The following CNTN3 variants were observed in gnomAD, a reference collection of about 807,000 sequenced individuals.
The protein encoded by CNTN3 is contactin 3.
CNTN3 carries 60 observed loss-of-function variants against 119.1 expected under a neutral mutation model. The observed-to-expected ratio is 0.50, with a 90% CI of 0.41 to 0.62. CNTN3 has a LOEUF of 0.62. Among genes scored for constraint, CNTN3 ranks in the 20% least tolerant of loss-of-function variants. CNTN3 has a pLI of 0.00. For synonymous variants in CNTN3, 450 were observed against 438.7 expected (o/e 1.03, Z -0.32); for missense variants, 1,101 against 1,242.4 (o/e 0.89, Z 1.71).
At chr3:74,348,894 C>A (rs1225846108) in intron 11 of CNTN3, among the ~76,000 whole-genome samples, 1 of 151,546 alleles carries the variant, frequency 6.6e-6, no homozygotes, top group African/African-American at 2.4e-5. Flanking sequence ...CCAGCCTGGG[C>A]AACACACTGA....
At chr3:74,353,738 A>G (rs1703870588) in intron 11 of CNTN3, among the ~76,000 whole-genome samples, 2 of 152,148 alleles carry the variant, frequency 1.3e-5, no homozygotes, top group South Asian at 4.1e-4. Context: ...CCTGGGGGAC[A>G]GAGCGAGACT....
chr3:74,544,428 T>C (rs1703884995), intron 1 of CNTN3, among the ~76,000 whole-genome samples: 2 of 152,162 alleles, frequency 1.3e-5, no homozygotes, highest in Admixed American at 6.5e-5. Flanking sequence ...CACAAGAAGA[T>C]TTAATGATGT....
chr3:74,521,248 A>T (rs1703538576), intron 1 of CNTN3, 56 bp from the exon 2 acceptor site: 1 of 438,512 alleles, frequency 2.3e-6, no homozygotes, highest in Admixed American at 4.4e-5. Flanking sequence ...AGCTGCTTTA[A>T]AAAAGAGATT....
At chr3:74,501,711 G>A (rs6549608) in intron 2 of CNTN3, among the ~76,000 whole-genome samples, 135,438 of 151,860 alleles carry the variant, frequency 0.89, 60,680 homozygotes, top group Non-Finnish European at 0.94. Flanking sequence ...ACCATCCTTT[G>A]AGAAAGCAGC....
At chr3:74,479,147 T>C (rs1219409355) in intron 4 of CNTN3, among the ~76,000 whole-genome samples, 1 of 151,978 alleles carries the variant, frequency 6.6e-6, no homozygotes, top group African/African-American at 2.4e-5. Context: ...AGTAATAATA[T>C]GTGTGAAATA....
At chr3:74,392,850 G>T (rs1467640841) in intron 5 of CNTN3, among the ~76,000 whole-genome samples, 1 of 152,116 alleles carries the variant, frequency 6.6e-6, no homozygotes, top group African/African-American at 2.4e-5. Flanking sequence ...ATACAGTAGA[G>T]TGCACCATGT....
At chr3:74,564,563 C>T (rs1173853781) in intron 1 of CNTN3, among the ~76,000 whole-genome samples, 1 of 150,004 alleles carries the variant, frequency 6.7e-6, no homozygotes, top group Non-Finnish European at 1.5e-5. Context: ...TCCACCAACA[C>T]TTATGAAGGA....
intron 12 of CNTN3, among the ~76,000 whole-genome samples, chr3:74,336,189 G>GA (rs1380486301): frequency 6.6e-6 from 1 of 151,328 alleles, no homozygotes; most frequent in East Asian, 1.9e-4. Context: ...AACATCTCCA[G>GA]AAAAAATCAA....
At chr3:74,461,890 T>C (rs1026554942) in intron 4 of CNTN3, among the ~76,000 whole-genome samples, 4 of 152,106 alleles carry the variant, frequency 2.6e-5, no homozygotes, top group Admixed American at 2.0e-4. Flanking sequence ...ACTGACCACA[T>C]GGATATTAAG....
At position 74,572,831 on chromosome 3, in the gene CNTN3, A is replaced by G. The variant is rs1260680905; in HGVS notation, c.-81+41560T>C. Among the ~76,000 whole-genome samples, 3 of 152,356 alleles carry G rather than the reference A, an allele frequency of 2.0e-5. No homozygotes were observed. The East Asian group carries it at 5.8e-4, about 29-fold the overall frequency. ...TGAGAACTTATGAGAAGCCAGGGGA[A>G]GCCCAGGACAAGAGGTAACTGCCTG... On this transcript the variant is annotated intron_variant, in intron 1 of 22. Transcript: ENST00000263665.
At chr3:74,553,374 C>T (rs933569161) in intron 1 of CNTN3, among the ~76,000 whole-genome samples, 19 of 152,066 alleles carry the variant, frequency 1.2e-4, no homozygotes, top group African/African-American at 3.4e-4. Context: ...TTTGCTATTG[C>T]GAATAGTGCT....
chr3:74,459,787 A>T (rs184655312), intron 4 of CNTN3, among the ~76,000 whole-genome samples: 1 of 152,002 alleles, frequency 6.6e-6, no homozygotes, highest in East Asian at 1.9e-4. Flanking sequence ...TTATTCTCCC[A>T]TAACACCTTT....
At chr3:74,264,573 A>T (rs1201291349) in intron 22 of CNTN3, 72 bp from the exon 23 acceptor site, 1 of 938,278 alleles carries the variant, frequency 1.1e-6, no homozygotes, top group African/African-American at 1.7e-5. Flanking sequence ...GAGACTGGAT[A>T]TTTGTGGTGT....
chr3:74,292,575 AATAG>A (rs780732379), intron 19 of CNTN3, among the ~76,000 whole-genome samples: 16 of 152,282 alleles, frequency 1.1e-4, no homozygotes, highest in African/African-American at 1.9e-4. Context: ...CTCAAAAATA[AATAG>A]ATAGATAAAT....
At chr3:74,574,091 A>G (rs769257662) in intron 1 of CNTN3, among the ~76,000 whole-genome samples, 2 of 152,244 alleles carry the variant, frequency 1.3e-5, no homozygotes, top group African/African-American at 2.4e-5. Context: ...TGTTATATGA[A>G]TAAAATGGAA....
chr3:74,371,308 G>A lies in CNTN3; in HGVS notation c.546C>T (p.Tyr182=). Residue 182 remains tyrosine, a synonymous_variant, in exon 6 of 23, where the codon TAC becomes TAT. Coordinates refer to ENST00000263665, the MANE Select transcript of CNTN3 (RefSeq NM_020872.3). The part of the protein sequence containing the change: ...RFVSQETGHL[Y]ISKVEPSDVG... ...CATCAGACGGCTCCACCTTAGATATGTAGAGGTGCCCTGTCTCCTGGGAGA... is the reference window on the plus strand; with the variant it reads ...CATCAGACGGCTCCACCTTAGATATATAGAGGTGCCCTGTCTCCTGGGAGA... 1 of 1,613,112 alleles carries A rather than the reference G, an allele frequency of 6.2e-7. No homozygotes were observed. Among genetic ancestry groups the A allele is most frequent in the Non-Finnish European group, 8.5e-7 (1 of 1,179,322 alleles).
intron 5 of CNTN3, among the ~76,000 whole-genome samples, chr3:74,388,653 T>C (rs748138182): frequency 6.6e-6 from 1 of 152,176 alleles, no homozygotes; most frequent in Non-Finnish European, 1.5e-5. Flanking sequence ...AAATAGTCTT[T>C]GAATACACAA....
intron 3 of CNTN3, among the ~76,000 whole-genome samples, chr3:74,495,748 T>C (rs1272630458): frequency 3.9e-5 from 6 of 152,082 alleles, no homozygotes. Flanking sequence ...TGTGACTCCA[T>C]TATAGACAAC....
chr3:74,264,556 G>C, intron 22 of CNTN3, 55 bp from the exon 23 acceptor site: 2 of 1,176,758 alleles, frequency 1.7e-6, no homozygotes, highest in South Asian at 2.7e-5. Context: ...ATGTAATCAG[G>C]GTGCTAGAGA....
Sources: gnomAD v4.1 joint callset for allele counts (sites outside exome capture counted in the v4.1 genomes callset) on GRCh38, gnomAD v4.1.1 for gene constraint, MANE v1.5 for transcripts, NCBI Gene and HGNC (gene_info 2026-07-23, HGNC 2026-07-21) for gene names.